The following KIAA1217 variants were observed in gnomAD, a reference collection of about 807,000 sequenced individuals.
The protein encoded by KIAA1217 is sickle tail protein homolog.
Under a neutral mutation model 163.9 loss-of-function variants are expected in KIAA1217, and 88 were observed. The observed-to-expected ratio is 0.54, with a 90% confidence interval of 0.45 to 0.64. The LOEUF (loss-of-function observed/expected upper bound fraction) is 0.64. Ranked by LOEUF, KIAA1217 falls within the 30% of genes least tolerant of loss-of-function variation. KIAA1217 has a pLI of 0.00. For synonymous variants in KIAA1217, 903 were observed against 923.1 expected (o/e 0.98, Z 0.39); for missense variants, 2,372 against 2,475.0 (o/e 0.96, Z 0.88).
chr10:23,880,388 G>A (rs1399656958), intron 1 of KIAA1217, among the ~76,000 whole-genome samples: 4 of 151,908 alleles, frequency 2.6e-5, no homozygotes, highest in Non-Finnish European at 5.9e-5. Flanking sequence ...ATCTGTGGGA[G>A]CTAAAAATTA....
At chr10:23,720,378 TAAC>T (rs1325545984) in intron 1 of KIAA1217, among the ~76,000 whole-genome samples, 1 of 152,140 alleles carries the variant, frequency 6.6e-6, no homozygotes, top group African/African-American at 2.4e-5. Context: ...GTTGAGTAAA[TAAC>T]AAGGAAATGT....
intron 1 of KIAA1217, among the ~76,000 whole-genome samples, chr10:23,915,613 AG>A (rs767641392): frequency 2.7e-4 from 41 of 152,170 alleles, no homozygotes; most frequent in Non-Finnish European, 5.1e-4. Flanking sequence ...AAGGGTATAT[AG>A]AAATTCTCTG....
At chr10:24,463,008 A>G (rs1046003363) in intron 5 of KIAA1217, among the ~76,000 whole-genome samples, 1 of 152,224 alleles carries the variant, frequency 6.6e-6, no homozygotes, top group African/African-American at 2.4e-5. Flanking sequence ...GATGGAGATA[A>G]GAGAAGGAAT....
intron 2 of KIAA1217, among the ~76,000 whole-genome samples, chr10:24,072,875 C>G (rs1292191466): frequency 6.6e-6 from 1 of 151,814 alleles, no homozygotes; most frequent in Non-Finnish European, 1.5e-5. Flanking sequence ...CCTGGGCAAC[C>G]TGGTGAAACC....
At chr10:24,317,927 C>G (rs10828628) in intron 2 of KIAA1217, among the ~76,000 whole-genome samples, 112,335 of 152,108 alleles carry the variant, frequency 0.74, 42,082 homozygotes, top group South Asian at 0.91. Flanking sequence ...CATCAACGTG[C>G]GTAGGGCATG....
At chr10:23,993,455 T>C (rs918940124) in intron 1 of KIAA1217, among the ~76,000 whole-genome samples, 2 of 151,884 alleles carry the variant, frequency 1.3e-5, no homozygotes, top group African/African-American at 2.4e-5. Flanking sequence ...TAATCAGGAA[T>C]AGTCAATACC....
intron 1 of KIAA1217, among the ~76,000 whole-genome samples, chr10:23,755,846 G>T (rs1306417859): frequency 6.6e-6 from 1 of 152,068 alleles, no homozygotes; most frequent in African/African-American, 2.4e-5. Flanking sequence ...TTATTTCACT[G>T]ATACTTTATT....
At chr10:24,503,234 G>T (rs1239018514) in intron 9 of KIAA1217, among the ~76,000 whole-genome samples, 1 of 152,138 alleles carries the variant, frequency 6.6e-6, no homozygotes, top group East Asian at 1.9e-4. Flanking sequence ...CCCCAGCATG[G>T]ATCATGACGG....
chr10:23,755,032 A>C (rs150659920), intron 1 of KIAA1217, among the ~76,000 whole-genome samples: 4 of 152,330 alleles, frequency 2.6e-5, no homozygotes, highest in African/African-American at 9.6e-5. Context: ...TTTCATCTTC[A>C]TTATATAAAT....
chr10:23,994,284 G>A (rs1846365241), intron 1 of KIAA1217, among the ~76,000 whole-genome samples: 1 of 152,178 alleles, frequency 6.6e-6, no homozygotes, highest in Non-Finnish European at 1.5e-5. Flanking sequence ...TTGGGTTGGG[G>A]TGTGGATATG....
chr10:24,250,746 T>C (rs1335884858), intron 2 of KIAA1217, among the ~76,000 whole-genome samples: 7 of 141,328 alleles, frequency 5.0e-5, no homozygotes, highest in Admixed American at 7.1e-5. Flanking sequence ...CCACTGTGCC[T>C]GGCCACATTT....
chr10:24,228,589 C>T (rs1210757914), intron 2 of KIAA1217, among the ~76,000 whole-genome samples: 1 of 152,122 alleles, frequency 6.6e-6, no homozygotes, highest in African/African-American at 2.4e-5. Flanking sequence ...TTCCAGGTCA[C>T]CATGACAGAG....
At chr10:23,846,413 A>C (rs1455088470) in intron 1 of KIAA1217, among the ~76,000 whole-genome samples, 1 of 152,164 alleles carries the variant, frequency 6.6e-6, no homozygotes, top group Non-Finnish European at 1.5e-5. Context: ...TTCCTTGAGC[A>C]GTGGTTTGTA....
At chr10:24,184,638 C>G (rs1021200250) in intron 2 of KIAA1217, among the ~76,000 whole-genome samples, 2 of 152,346 alleles carry the variant, frequency 1.3e-5, no homozygotes, top group African/African-American at 4.8e-5. Flanking sequence ...GCACTGATTG[C>G]TGTCCAGCAG....
intron 2 of KIAA1217, among the ~76,000 whole-genome samples, chr10:24,034,126 G>T (rs1468673513): frequency 6.6e-6 from 1 of 152,162 alleles, no homozygotes; most frequent in Non-Finnish European, 1.5e-5. Flanking sequence ...TATCCCACTT[G>T]ATTGTTGGAA....
intron 2 of KIAA1217, among the ~76,000 whole-genome samples, chr10:24,167,326 T>A (rs2065403800): frequency 6.6e-6 from 1 of 151,696 alleles, no homozygotes; most frequent in Admixed American, 6.6e-5. Context: ...TTACTTTAGA[T>A]GTTACAAAAA....
At chr10:23,986,829 C>A (rs887440223) in intron 1 of KIAA1217, among the ~76,000 whole-genome samples, 6 of 152,168 alleles carry the variant, frequency 3.9e-5, no homozygotes, top group African/African-American at 1.4e-4. Context: ...CCTTTTACTC[C>A]TTAATTCATT....
intron 1 of KIAA1217, among the ~76,000 whole-genome samples, chr10:23,880,599 A>C (rs1840907432): frequency 6.6e-6 from 1 of 151,956 alleles, no homozygotes; most frequent in Non-Finnish European, 1.5e-5. Flanking sequence ...TAACTAAAAG[A>C]GTATAGCTGG....
chr10:24,322,556 T>C (rs2044314080), intron 2 of KIAA1217, among the ~76,000 whole-genome samples: 1 of 152,176 alleles, frequency 6.6e-6, no homozygotes, highest in South Asian at 2.1e-4. Context: ...CTGTAAATGG[T>C]TGTGCACATG....
Sources: gnomAD v4.1 joint callset for allele counts (sites outside exome capture counted in the v4.1 genomes callset) on GRCh38, gnomAD v4.1.1 for gene constraint, MANE v1.5 for transcripts, NCBI Gene and HGNC (gene_info 2026-07-23, HGNC 2026-07-21) for gene names.